GPR132: variants seen among roughly 807,000 people sequenced by gnomAD.
GPR132 encodes the protein probable G protein-coupled receptor 132.
In GPR132, 4 loss-of-function variants were observed where a neutral mutation model predicts 1.9. The observed-to-expected ratio is 2.13, with a 90% CI of 1.05 to 4.87. The LOEUF (loss-of-function observed/expected upper bound fraction) is 4.87. Among genes scored for constraint, GPR132 ranks in the 30% most tolerant of loss-of-function variants. The pLI is 0.01. For missense variants in GPR132, 404 were observed against 512.5 expected (o/e 0.79, Z 2.04); for synonymous variants, 233 against 234.2 (o/e 0.99, Z 0.05).
intron 3 of GPR132, chr14:105,054,415 CTCT>C: frequency 2.1e-6 from 2 of 973,876 alleles, no homozygotes; most frequent in Non-Finnish European, 2.4e-6. Flanking sequence ...CATTGTGTCG[CTCT>C]TTTTTTTTCT....
In GPR132 at chr14:105,050,687, G is replaced by T. The variant is rs144094235; in HGVS notation, c.*307C>A. The T allele has an allele frequency of 4.5e-6, 2 of 445,998 alleles. No individual in the cohort carries two copies. The highest frequency in any genetic ancestry group is 8.1e-6 in the Non-Finnish European group (2 of 245,988). 27.6% of individuals were successfully genotyped at this position (445,998 alleles called of 1,614,324 possible). A position where few individuals can be genotyped will look rare whatever the true frequency, so the allele number is the denominator to read the frequency against. On this transcript the variant is annotated 3_prime_UTR_variant, in exon 4 of 4. Transcript: ENST00000329797. The surrounding 1 kb of genome is among the most constrained non-coding windows in gnomAD (Gnocchi z 4.0). ...CCACCAGGTACCTCTGCCAGCAGGC[G>T]TGCTACCTGCCCACAGCCAAGGGAG...
chr14:105,053,907 A>T (rs1039217798), intron 3 of GPR132: 5 of 1,125,118 alleles, frequency 4.4e-6, no homozygotes, highest in Non-Finnish European at 5.5e-6. Flanking sequence ...AAAGAAAAGG[A>T]GATCAAAGTG....
chr14:105,056,112 C>T lies in GPR132; in HGVS notation c.-692G>A, dbSNP rs1227078701. 2.0e-6 allele frequency: 2 copies of T among 985,154 alleles called. No individual in the cohort carries two copies. The highest frequency in any genetic ancestry group is 4.7e-5 in the South Asian group (1 of 21,302). The allele number at this position is 985,154 out of a possible 1,614,324, so 61.0% of individuals were successfully genotyped here. The stretch of plus-strand genomic sequence containing the variant: ...GGGCTCCGGTCTCCCCACAGCCTCG[C>T]TGCGCTTGCTGGGTTTCTCCGGGTG... On this transcript the variant is annotated 5_prime_UTR_variant, in exon 3 of 4. Transcript: ENST00000329797. The surrounding 1 kb of genome is among the most constrained non-coding windows in gnomAD (Gnocchi z 6.0).
At chr14:105,053,878 T>C (rs1245143387) in intron 3 of GPR132, 28 of 1,093,764 alleles carry the variant, frequency 2.6e-5, no homozygotes, top group Non-Finnish European at 2.7e-5. Flanking sequence ...ACAAAAGTCC[T>C]TAAATGTGGG....
rs142982882 is a variant in GPR132, at chr14:105,052,027, G to T, written c.110C>A (p.Ser37Tyr). The T allele has an allele frequency of 2.5e-5, 41 of 1,609,462 alleles. No individual in the cohort carries two copies. The highest frequency in any genetic ancestry group is 4.0e-5 in the African/African-American group (3 of 74,940). ...GLSAKTCNNV[S>Y]FEESRIVLVV... ...CAGGACTATCCTGCTCTCTTCGAAG[G>T]ACACGTTGTTGCAGGTCTTGGCGGA... The change falls in exon 4 of 4, where the codon TCC (serine) becomes TAC (tyrosine). Residue 37 changes from serine (S) to tyrosine (Y), a missense_variant. By Grantham distance (144) the Ser-to-Tyr change is moderately radical. Coordinates refer to ENST00000329797, the MANE Select transcript of GPR132 (RefSeq NM_013345.4).
Position 105,049,996 on chromosome 14 carries a change from G to C in GPR132, c.*998C>G, listed in dbSNP as rs533702492. 6.6e-6 allele frequency: 1 copy of C among 152,322 alleles called. No individual in the cohort carries two copies. Among genetic ancestry groups the C allele is most frequent in the Admixed American group, 6.5e-5 (1 of 15,282 alleles). The allele number at this position is 152,322 out of a possible 1,614,324, so 9.4% of individuals were successfully genotyped here. A position where few individuals can be genotyped will look rare whatever the true frequency, so the allele number is the denominator to read the frequency against. On this transcript the variant is annotated 3_prime_UTR_variant, in exon 4 of 4. Coordinates refer to ENST00000329797, the MANE Select transcript of GPR132 (RefSeq NM_013345.4). ...GTGCATGCGATGTGCCCGAGGTGTC[G>C]GGGCAGGGAGGAGGATTGATCTCGA...
Position 105,051,201 on chromosome 14 carries a change from C to T in GPR132, c.936G>A (p.Thr312=), listed in dbSNP as rs901453790. The part of the protein sequence containing the change: ...VADPIIYVLA[T]DHSRQEVSRI... ...TGGACACTTCTTGGCGGGAATGGTC[C>T]GTGGCCAGCACGTAGATAATGGGGT... Residue 312 remains threonine, a synonymous_variant, in exon 4 of 4, where the codon ACG becomes ACA. Coordinates refer to ENST00000329797, the MANE Select transcript of GPR132 (RefSeq NM_013345.4). The surrounding 1 kb of genome is among the most constrained non-coding windows in gnomAD (Gnocchi z 8.0). The T allele has an allele frequency of 7.4e-6, 12 of 1,613,948 alleles. No homozygotes were observed. The highest frequency in any genetic ancestry group is 2.2e-5 in the East Asian group (1 of 44,888).
At chr14:105,052,138 C>T in intron 3 of GPR132, 36 bp from the exon 4 acceptor site, 1 of 1,506,788 alleles carries the variant, frequency 6.6e-7, no homozygotes, top group Non-Finnish European at 8.9e-7. Flanking sequence ...ACGGGAGTCC[C>T]TGGAAACCAC....
At chr14:105,054,271 T>C in intron 3 of GPR132, 2 of 1,132,554 alleles carry the variant, frequency 1.8e-6, no homozygotes, top group Middle Eastern at 3.1e-4. Flanking sequence ...CTGGGCACTG[T>C]CCAGCCCGCT....
intron 1 of GPR132, among the ~76,000 whole-genome samples, chr14:105,062,590 G>A (rs1176463512): frequency 6.9e-6 from 1 of 144,582 alleles, no homozygotes; most frequent in Non-Finnish European, 1.5e-5. Flanking sequence ...GCCCAGGCTG[G>A]AGTAAAGTGG....
intron 2 of GPR132, 142 bp downstream of exon 2, chr14:105,057,025 T>C (rs191840545): frequency 1.8e-5 from 12 of 679,610 alleles, no homozygotes; most frequent in African/African-American, 1.6e-4. Context: ...GTAGCACCTC[T>C]AGATTTATTA....
chr14:105,054,387 G>T (rs1402821652), intron 3 of GPR132: 1 of 985,152 alleles, frequency 1.0e-6, no homozygotes, highest in African/African-American at 1.7e-5. Context: ...ACCCCGAACG[G>T]GGTCAGCCCT....
chr14:105,057,200 G>T lies in GPR132; in HGVS notation c.-780C>A, dbSNP rs1886817372. On this transcript the variant is annotated 5_prime_UTR_variant, in exon 2 of 4. Transcript: ENST00000329797. ...TTTTGCGGGTTCCAATCTCAGTGTG[G>T]CTCTAAGATAAGCTTTCTAAGTACA... is the stretch of plus-strand genomic sequence containing the variant. 2.6e-6 allele frequency: 4 copies of T among 1,518,590 alleles called. No individual in the cohort carries two copies. The highest frequency in any genetic ancestry group is 1.2e-5 in the South Asian group (1 of 83,702). 94.1% of individuals were successfully genotyped at this position (1,518,590 alleles called of 1,614,324 possible).
In GPR132 at chr14:105,055,637, C is replaced by T; in HGVS notation, c.-217G>A. On this transcript the variant is annotated 5_prime_UTR_variant, in exon 3 of 4. Transcript: ENST00000329797. The surrounding 1 kb of genome is among the most constrained non-coding windows in gnomAD (Gnocchi z 4.7). ...CGTGTGTCCTTCCGTGTCTCACGTG[C>T]TCCACTCACCACAGTGTCCTCAAGC... The T allele has an allele frequency of 3.3e-6, 2 of 599,204 alleles. No individual in the cohort carries two copies. Among genetic ancestry groups the T allele is most frequent in the Non-Finnish European group, 6.0e-6 (2 of 331,048 alleles). 37.1% of individuals were successfully genotyped at this position (599,204 alleles called of 1,614,324 possible). A position where few individuals can be genotyped will look rare whatever the true frequency, so the allele number is the denominator to read the frequency against.
At position 105,060,014 on chromosome 14, in the gene GPR132, G is replaced by A. The variant is rs906513969; in HGVS notation, c.-860-2734C>T. Among the ~76,000 whole-genome samples, 1 of 152,218 alleles carries A rather than the reference G, an allele frequency of 6.6e-6. No individual in the cohort carries two copies. Among genetic ancestry groups the A allele is most frequent in the Non-Finnish European group, 1.5e-5 (1 of 68,036 alleles). On this transcript the variant is annotated intron_variant, in intron 1 of 3. Coordinates refer to ENST00000329797, the MANE Select transcript of GPR132 (RefSeq NM_013345.4). This position sits in a 1 kb window ranked among gnomAD's most constrained non-coding sequence, Gnocchi z 6.3. ...GGCGGTGGGTGGTGTGGGCCGGAGG[G>A]GTTCCTGGGCTACCCATTCTGCCAC...
chr14:105,060,327 G>A lies in GPR132; in HGVS notation c.-860-3047C>T, dbSNP rs1043847598. 1.3e-5 allele frequency among the ~76,000 whole-genome samples: 2 copies of A among 152,342 alleles called. No individual in the cohort carries two copies. The highest frequency in any genetic ancestry group is 6.5e-5 in the Admixed American group (1 of 15,304). The stretch of plus-strand genomic sequence containing the variant: ...GTGAGCCGGAACCAGGAGGGCCAAG[G>A]AAGGCAGACCCCCAGCCAGGCAGGG... On this transcript the variant is annotated intron_variant, in intron 1 of 3. Coordinates refer to ENST00000329797, the MANE Select transcript of GPR132 (RefSeq NM_013345.4). The surrounding 1 kb of genome is among the most constrained non-coding windows in gnomAD (Gnocchi z 6.3).
intron 3 of GPR132, among the ~76,000 whole-genome samples, chr14:105,053,388 G>A (rs190097557): frequency 2.2e-4 from 34 of 152,140 alleles, no homozygotes; most frequent in African/African-American, 6.0e-4. Context: ...TTGAACTCCC[G>A]ACCTCAGGTG....
At chr14:105,062,515 T>TGC (rs1886970309) in intron 1 of GPR132, among the ~76,000 whole-genome samples, 1 of 151,292 alleles carries the variant, frequency 6.6e-6, no homozygotes, top group African/African-American at 2.4e-5. Flanking sequence ...GCCTTTTCTT[T>TGC]CTTTTCTTTC....
intron 1 of GPR132, among the ~76,000 whole-genome samples, chr14:105,061,614 C>A (rs1337293673): frequency 6.6e-6 from 1 of 152,114 alleles, no homozygotes; most frequent in African/African-American, 2.4e-5. Context: ...CCTGCTCTTC[C>A]TCGGGGAGGG....
Sources: gnomAD v4.1 joint callset for allele counts (sites outside exome capture counted in the v4.1 genomes callset) on GRCh38, gnomAD v4.1.1 for gene constraint, Gnocchi (gnomAD v3.1) non-coding constraint, MANE v1.5 for transcripts, NCBI Gene and HGNC (gene_info 2026-07-23, HGNC 2026-07-21) for gene names.